RPE: variants seen among roughly 807,000 people sequenced by gnomAD.
The protein encoded by RPE is ribulose-5-phosphate-3-epimerase.
Under a neutral mutation model 24.6 loss-of-function variants are expected in RPE, and 16 were observed. The ratio of observed to expected loss-of-function variants is 0.65; its 90% CI spans 0.44 to 0.99. RPE has a LOEUF of 0.99. Among genes scored for constraint, RPE ranks in the 50% least tolerant of loss-of-function variants. The pLI is 0.00. For missense variants in RPE, 240 were observed against 294.5 expected (o/e 0.81, Z 1.35); for synonymous variants, 93 against 98.4 (o/e 0.94, Z 0.33).
chr2:210,019,699 G>A lies in RPE; in HGVS notation c.595G>A (p.Ala199Thr). 6 of 1,613,256 alleles carry A rather than the reference G, an allele frequency of 3.7e-6. No individual in the cohort carries two copies. The highest frequency in any genetic ancestry group is 5.1e-6 in the Non-Finnish European group (6 of 1,179,380). Reference sequence around the variant, plus strand: ...AGCTAACATGATTGTGTCTGGCAGTGCTATTATGAGGAGTGAAGACCCCAG... The same window carrying A: ...AGCTAACATGATTGTGTCTGGCAGTACTATTATGAGGAGTGAAGACCCCAG... ...AGANMIVSGS[A>T]IMRSEDPRSV... The change falls in exon 6 of 6, where the codon GCT (alanine) becomes ACT (threonine). Residue 199 changes from alanine (A) to threonine (T), a missense_variant. Transcript: ENST00000359429.
At position 210,020,766 on chromosome 2, in the gene RPE, C is replaced by T. The variant is rs1285455877; in HGVS notation, c.*975C>T. On this transcript the variant is annotated 3_prime_UTR_variant, in exon 6 of 6. Coordinates refer to ENST00000359429, the MANE Select transcript of RPE (RefSeq NM_199229.3). ...ATATATTCTCATTAAATCTGTAAAT[C>T]ACCTCTATAAGTAAGTGGTAATAAT... is the stretch of plus-strand genomic sequence containing the variant. 4 of 160,540 alleles carry T rather than the reference C, an allele frequency of 2.5e-5. No individual in the cohort carries two copies. Among genetic ancestry groups the T allele is most frequent in the Admixed American group, 2.0e-4 (3 of 15,290 alleles). The allele number at this position is 160,540 out of a possible 1,614,324, so 9.9% of individuals were successfully genotyped here.
At chr2:210,008,439 A>G (rs1242540153) in intron 1 of RPE, among the ~76,000 whole-genome samples, 25 of 149,756 alleles carry the variant, frequency 1.7e-4, no homozygotes, top group African/African-American at 6.1e-4. Context: ...GGGATTATAG[A>G]CGCACGCCAC....
chr2:210,007,667 C>G (rs2093647707), intron 1 of RPE, among the ~76,000 whole-genome samples: 1 of 152,158 alleles, frequency 6.6e-6, no homozygotes, highest in African/African-American at 2.4e-5. Context: ...TTTATAAATC[C>G]TATTTTGTAA....
chr2:210,006,953 CTT>C (rs2125057518), intron 1 of RPE, among the ~76,000 whole-genome samples: 1 of 152,330 alleles, frequency 6.6e-6, no homozygotes, highest in African/African-American at 2.4e-5. Flanking sequence ...ACCTCTCTCT[CTT>C]GAATCTCTTC....
rs140271486 is a variant in RPE, at chr2:210,005,632, G to GA, written c.122+2860dup. Among the ~76,000 whole-genome samples the GA allele has an allele frequency of 4.7e-3, 680 of 145,456 alleles. 5 individuals carry two copies. Among genetic ancestry groups the GA allele is most frequent in the African/African-American group, 0.012 (487 of 39,968 alleles). On this transcript the variant is annotated intron_variant, in intron 1 of 5. Transcript: ENST00000359429. Reference sequence around the variant, plus strand: ...AATACTGCATTTCTGACTTTTGGGGGAAAAAAAAAAACAGTTCAAAGACTT... The same window carrying GA: ...AATACTGCATTTCTGACTTTTGGGGGAAAAAAAAAAAACAGTTCAAAGACTT...
intron 1 of RPE, among the ~76,000 whole-genome samples, chr2:210,003,132 CAT>C (rs2093584957): frequency 1.3e-5 from 2 of 152,172 alleles, no homozygotes; most frequent in African/African-American, 4.8e-5. Flanking sequence ...TGCCCAAGCT[CAT>C]ATAGCTAGTT....
Position 210,020,777 on chromosome 2 carries a change from G to GT in RPE, c.*987dup, listed in dbSNP as rs2093844822. 6.3e-6 allele frequency: 1 copy of GT among 158,984 alleles called. No individual in the cohort carries two copies. The highest frequency in any genetic ancestry group is 2.4e-5 in the African/African-American group (1 of 41,424). 9.8% of individuals were successfully genotyped at this position (158,984 alleles called of 1,614,324 possible). On this transcript the variant is annotated 3_prime_UTR_variant, in exon 6 of 6. Coordinates refer to ENST00000359429, the MANE Select transcript of RPE (RefSeq NM_199229.3). ...TTAAATCTGTAAATCACCTCTATAA[G>GT]TAAGTGGTAATAATAAAGCAGATAT...
chr2:210,009,363 G>T (rs1247996711), intron 1 of RPE, among the ~76,000 whole-genome samples: 1 of 152,124 alleles, frequency 6.6e-6, no homozygotes, highest in African/African-American at 2.4e-5. Context: ...AAGTCATAAA[G>T]CCTGAGGGTT....
chr2:210,003,331 G>C (rs2093587944), intron 1 of RPE: 1 of 496,476 alleles, frequency 2.0e-6, no homozygotes, highest in South Asian at 1.9e-5. Flanking sequence ...AAGATGAAAT[G>C]AGCGAGTACA....
intron 2 of RPE, among the ~76,000 whole-genome samples, chr2:210,013,902 A>T (rs1258641988): frequency 6.6e-6 from 1 of 152,206 alleles, no homozygotes; most frequent in Non-Finnish European, 1.5e-5. Context: ...TGATTATAAT[A>T]GATGATAGAA....
chr2:210,004,623 T>C (rs769225465), intron 1 of RPE, among the ~76,000 whole-genome samples: 1 of 152,252 alleles, frequency 6.6e-6, no homozygotes, highest in Non-Finnish European at 1.5e-5. Context: ...TGTATACTTA[T>C]TTTTGTTAAC....
chr2:210,009,844 C>G (rs2125065608), intron 2 of RPE, 108 bp downstream of exon 2: 1 of 1,465,720 alleles, frequency 6.8e-7, no homozygotes, highest in South Asian at 1.1e-5. Context: ...CCCCAACTTT[C>G]CTATCCTGGG....
chr2:210,017,245 C>G (rs572879819), intron 4 of RPE, among the ~76,000 whole-genome samples: 1 of 152,190 alleles, frequency 6.6e-6, no homozygotes, highest in Non-Finnish European at 1.5e-5. Context: ...ACATGACAGT[C>G]TCTGCAAAGA....
At chr2:210,003,748 T>G (rs144468194) in intron 1 of RPE, among the ~76,000 whole-genome samples, 372 of 152,316 alleles carry the variant, frequency 2.4e-3, no homozygotes, top group Non-Finnish European at 3.9e-3. Context: ...AAAAACCCTG[T>G]GTTCCCTCAT....
At chr2:210,009,201 T>C (rs749619276) in intron 1 of RPE, among the ~76,000 whole-genome samples, 5 of 152,230 alleles carry the variant, frequency 3.3e-5, no homozygotes, top group Non-Finnish European at 7.3e-5. Flanking sequence ...CATGTTTCTT[T>C]ATTAGTCATC....
chr2:210,014,629 A>T (rs1029160795), intron 2 of RPE, among the ~76,000 whole-genome samples: 1 of 144,668 alleles, frequency 6.9e-6, no homozygotes, highest in Non-Finnish European at 1.5e-5. Flanking sequence ...CATCTCTATT[A>T]AAAAAAAAAA....
Position 210,022,003 on chromosome 2 carries a change from C to CTTTT in RPE, c.*2223_*2226dup, listed in dbSNP as rs553479918. 2 of 134,700 alleles carry CTTTT rather than the reference C, an allele frequency of 1.5e-5. No individual in the cohort carries two copies. The highest frequency in any genetic ancestry group is 2.4e-4 in the South Asian group (1 of 4,190). 8.3% of individuals were successfully genotyped at this position (134,700 alleles called of 1,614,324 possible). A position where few individuals can be genotyped will look rare whatever the true frequency, so the allele number is the denominator to read the frequency against. On this transcript the variant is annotated 3_prime_UTR_variant, in exon 6 of 6. Coordinates refer to ENST00000359429, the MANE Select transcript of RPE (RefSeq NM_199229.3). ...CTTGCTAATCTAGAAATACAATCAT[C>CTTTT]TTTTTTTTTTTTTTCAAATTTTATA...
intron 4 of RPE, 63 bp from the exon 5 acceptor site, chr2:210,017,401 ATTGTCCCCC>A: frequency 3.4e-6 from 4 of 1,179,820 alleles, no homozygotes; most frequent in Non-Finnish European, 4.9e-6. Context: ...TTTTTGTTTG[ATTGTCCCCC>A]ACCCCCACCC....
rs143731616 is a variant in RPE at position 210,017,102 on chromosome 2, C to A, written c.478-371C>A. Among the ~76,000 whole-genome samples the A allele has an allele frequency of 1.7e-3, 260 of 152,270 alleles. 1 individual carries two copies. The highest frequency in any genetic ancestry group is 5.9e-3 in the African/African-American group (247 of 41,550). On this transcript the variant is annotated intron_variant, in intron 4 of 5. Coordinates refer to ENST00000359429, the MANE Select transcript of RPE (RefSeq NM_199229.3). ...TAAGCTGTCCTCCCACCTTGGTCTG[C>A]CAAAGTGTTGGGATTACAGGTGGCA...
Sources: gnomAD v4.1 joint callset for allele counts (sites outside exome capture counted in the v4.1 genomes callset) on GRCh38, gnomAD v4.1.1 for gene constraint, MANE v1.5 for transcripts, NCBI Gene and HGNC (gene_info 2026-07-23, HGNC 2026-07-21) for gene names.